Variants in AK8 observed in about 807,000 individuals in gnomAD.
AK8 encodes the protein adenylate kinase 8.
Under a neutral mutation model 54.6 loss-of-function variants are expected in AK8, and 44 were observed. The observed-to-expected ratio is 0.81, with a 90% CI of 0.63 to 1.04. AK8 has a LOEUF of 1.04. Ranked by LOEUF, AK8 falls within the 50% of genes least tolerant of loss-of-function variation. The pLI, the probability that AK8 is intolerant of heterozygous loss-of-function variation, is 0.00. For synonymous variants in AK8, 239 were observed against 245.6 expected (o/e 0.97, Z 0.25); for missense variants, 555 against 613.6 (o/e 0.90, Z 1.01).
At chr9:132,738,752 C>CTTTTT (rs754082140) in intron 11 of AK8, among the ~76,000 whole-genome samples, 1 of 120,806 alleles carries the variant, frequency 8.3e-6, no homozygotes. Context: ...ATGTTCATGA[C>CTTTTT]TTTTTTTTTT....
chr9:132,763,222 C>A (rs1447319099), intron 11 of AK8, among the ~76,000 whole-genome samples: 1 of 152,144 alleles, frequency 6.6e-6, no homozygotes, highest in Non-Finnish European at 1.5e-5. Context: ...AAAGTCACAA[C>A]AAATTTTAAA....
At chr9:132,755,741 A>G (rs1361443691) in intron 11 of AK8, among the ~76,000 whole-genome samples, 11 of 151,428 alleles carry the variant, frequency 7.3e-5, no homozygotes, top group Admixed American at 7.3e-4. Flanking sequence ...GAGTTGCCTC[A>G]GGCCAATGAC....
Position 132,826,370 on chromosome 9 carries a change from C to T in AK8, c.757+484G>A, listed in dbSNP as rs547858490. ...CATTGGCCATTGCTGTGGACAGCAA[C>T]GCAGTGCCAGGCGCGGGGCCATGTA... On this transcript the variant is annotated intron_variant, in intron 8 of 12. Coordinates refer to ENST00000298545, the MANE Select transcript of AK8 (RefSeq NM_152572.3). The surrounding 1 kb of genome is among the most constrained non-coding windows in gnomAD (Gnocchi z 4.5). 2.0e-5 allele frequency among the ~76,000 whole-genome samples: 3 copies of T among 152,226 alleles called. No individual in the cohort carries two copies. Among genetic ancestry groups the T allele is most frequent in the Non-Finnish European group, 2.9e-5 (2 of 68,036 alleles).
chr9:132,749,063 C>T (rs1337786086), intron 11 of AK8, among the ~76,000 whole-genome samples: 1 of 151,650 alleles, frequency 6.6e-6, no homozygotes, highest in African/African-American at 2.4e-5. Context: ...TTAGTAGAGA[C>T]GGGTTTCACC....
intron 5 of AK8, among the ~76,000 whole-genome samples, chr9:132,842,893 C>T (rs1322327848): frequency 6.6e-6 from 1 of 152,220 alleles, no homozygotes; most frequent in Non-Finnish European, 1.5e-5. Flanking sequence ...TAGAGACCAG[C>T]CATGTGGGCT....
intron 12 of AK8, 113 bp downstream of exon 12, chr9:132,727,341 T>G: frequency 1.0e-6 from 1 of 972,570 alleles, no homozygotes; most frequent in Non-Finnish European, 1.6e-6. Context: ...TAATCGTCCT[T>G]CAGTGGTCAC....
chr9:132,844,931 C>T (rs1842689967), intron 5 of AK8, among the ~76,000 whole-genome samples: 1 of 152,212 alleles, frequency 6.6e-6, no homozygotes, highest in African/African-American at 2.4e-5. Flanking sequence ...ACTGTGTTTG[C>T]ATCTCAGTTC....
intron 11 of AK8, among the ~76,000 whole-genome samples, chr9:132,741,528 G>A (rs545207777): frequency 7.2e-5 from 11 of 152,296 alleles, no homozygotes; most frequent in East Asian, 1.9e-4. Flanking sequence ...AGGTGTGGCC[G>A]ATGCCAAGAG....
chr9:132,737,285 T>C (rs1837166357), intron 11 of AK8, among the ~76,000 whole-genome samples: 1 of 152,144 alleles, frequency 6.6e-6, no homozygotes, highest in Non-Finnish European at 1.5e-5. Context: ...TATAAACAGA[T>C]GGACAAAACA....
chr9:132,818,643 G>A (rs1841438752), intron 9 of AK8, among the ~76,000 whole-genome samples: 1 of 152,056 alleles, frequency 6.6e-6, no homozygotes, highest in Admixed American at 6.6e-5. Context: ...TCCAAAAGGT[G>A]GCAGGAAAGG....
chr9:132,812,581 G>C lies in AK8; in HGVS notation c.979+2057C>G, dbSNP rs1183261071. On this transcript the variant is annotated intron_variant, in intron 10 of 12. Coordinates refer to ENST00000298545, the MANE Select transcript of AK8 (RefSeq NM_152572.3). The stretch of plus-strand genomic sequence containing the variant: ...CCGCGCCCGGCCGCTAGGTGGATTT[G>C]AAGAGCAGCAGCTGCCTGTGGCCTC... Among the ~76,000 whole-genome samples, 5 of 152,248 alleles carry C rather than the reference G, an allele frequency of 3.3e-5. 1 individual carries two copies. The highest frequency in any genetic ancestry group is 9.6e-5 in the African/African-American group (4 of 41,470).
chr9:132,878,222 G>A lies in AK8; in HGVS notation c.34C>T (p.Pro12Ser), dbSNP rs370307434. 2.3e-5 allele frequency: 34 copies of A among 1,458,566 alleles called. 2 individuals carry two copies. Among genetic ancestry groups the A allele is most frequent in the Middle Eastern group, 3.8e-4 (2 of 5,314 alleles). The allele number at this position is 1,458,566 out of a possible 1,614,324, so 90.4% of individuals were successfully genotyped here. The change falls in exon 1 of 13, where the codon CCC (proline) becomes TCC (serine). Residue 12 changes from proline to serine, a missense_variant. By Grantham distance (74) the Pro-to-Ser change is moderately conservative (BLOSUM62 -1). Coordinates refer to ENST00000298545, the MANE Select transcript of AK8 (RefSeq NM_152572.3). The surrounding 1 kb of genome is among the most constrained non-coding windows in gnomAD (Gnocchi z 4.7). The stretch of plus-strand genomic sequence containing the variant: ...TCCTCCCCGTACTGGGGCATCTCGG[G>A]GGGGATACGGTGCGGGGCGATAGTG... The part of the protein sequence containing the change: ...DATIAPHRIP[P>S]EMPQYGEENH...
At chr9:132,765,064 G>A (rs373103202) in intron 11 of AK8, among the ~76,000 whole-genome samples, 14 of 152,162 alleles carry the variant, frequency 9.2e-5, no homozygotes, top group East Asian at 7.7e-4. Context: ...AGGCCAAGGC[G>A]GGCAGATTGC....
At position 132,826,458 on chromosome 9, in the gene AK8, G is replaced by A. The variant is rs1841873992; in HGVS notation, c.757+396C>T. 6.6e-6 allele frequency among the ~76,000 whole-genome samples: 1 copy of A among 152,132 alleles called. No individual in the cohort carries two copies. Among genetic ancestry groups the A allele is most frequent in the South Asian group, 2.1e-4 (1 of 4,822 alleles). On this transcript the variant is annotated intron_variant, in intron 8 of 12. Transcript: ENST00000298545. The surrounding 1 kb of genome is among the most constrained non-coding windows in gnomAD (Gnocchi z 4.5). ...GTGTGTGTTTTATTGTGTTGTGTGT[G>A]GTGGTGGTGGTTTTGTTTTTGTCTT... is the stretch of plus-strand genomic sequence containing the variant.
chr9:132,768,642 T>C lies in AK8; in HGVS notation c.1121+23992A>G, dbSNP rs144941318. ...TTTCCCCAAGGAAATGATCAAAACA[T>C]ATGCAAAAACAAATACAAATGCATA... On this transcript the variant is annotated intron_variant, in intron 11 of 12. Coordinates refer to ENST00000298545, the MANE Select transcript of AK8 (RefSeq NM_152572.3). Among the ~76,000 whole-genome samples, 114 of 152,310 alleles carry C rather than the reference T, an allele frequency of 7.5e-4. 1 individual carries two copies. The highest frequency in any genetic ancestry group is 2.6e-3 in the African/African-American group (107 of 41,578).
At chr9:132,775,501 C>T (rs1174591010) in intron 11 of AK8, among the ~76,000 whole-genome samples, 1 of 152,050 alleles carries the variant, frequency 6.6e-6, no homozygotes, top group African/African-American at 2.4e-5. Context: ...TGGGGTTTTG[C>T]CATGTTGGCC....
rs375135938 is a variant in AK8, at chr9:132,828,071, A to G, written c.498T>C (p.Ala166=). 7.7e-5 allele frequency: 121 copies of G among 1,571,534 alleles called. No homozygotes were observed. Among genetic ancestry groups the G allele is most frequent in the Middle Eastern group, 3.3e-4 (2 of 6,030 alleles). The change falls in exon 7 of 13, where the codon GCT becomes GCC. Residue 166 remains alanine (A), a synonymous_variant. Coordinates refer to ENST00000298545, the MANE Select transcript of AK8 (RefSeq NM_152572.3). Reference sequence around the variant, plus strand: ...TTCTCTCGATCAGGACCGTGTCTGGAGCACTCAGCACAACTGGGCAGAGAA... The same window carrying G: ...TTCTCTCGATCAGGACCGTGTCTGGGGCACTCAGCACAACTGGGCAGAGAA... ...ITPRHVIVLS[A]PDTVLIERNL...
At chr9:132,815,052 C>T (rs531135457) in intron 9 of AK8, among the ~76,000 whole-genome samples, 1 of 152,352 alleles carries the variant, frequency 6.6e-6, no homozygotes, top group Admixed American at 6.5e-5. Flanking sequence ...GGAATTGCTG[C>T]GCAGAACTCG....
rs1321124749 is a variant in AK8, at chr9:132,839,818, GC to G, written c.403-11093del. Among the ~76,000 whole-genome samples the G allele has an allele frequency of 2.3e-3, 228 of 98,838 alleles. 3 individuals carry two copies. The highest frequency in any genetic ancestry group is 6.9e-3 in the African/African-American group (163 of 23,662). 64.8% of individuals were successfully genotyped at this position (98,838 alleles called of 152,430 possible). Reference sequence around the variant, plus strand: ...AAATTGTAAAGAAAACATTTTTTTTGCCGGGGGGGGGGGCGCAGGGACGGAG... The same window carrying G: ...AAATTGTAAAGAAAACATTTTTTTTGCGGGGGGGGGGGCGCAGGGACGGAG... On this transcript the variant is annotated intron_variant, in intron 5 of 12. Coordinates refer to ENST00000298545, the MANE Select transcript of AK8 (RefSeq NM_152572.3).
Sources: gnomAD v4.1 joint callset for allele counts (sites outside exome capture counted in the v4.1 genomes callset) on GRCh38, gnomAD v4.1.1 for gene constraint, Gnocchi (gnomAD v3.1) non-coding constraint, MANE v1.5 for transcripts, NCBI Gene and HGNC (gene_info 2026-07-23, HGNC 2026-07-21) for gene names.